The following SMOC2 variants were observed in gnomAD, a reference collection of about 807,000 sequenced individuals.
The protein encoded by SMOC2 is SPARC related modular calcium binding 2.
Under a neutral mutation model 61.4 loss-of-function variants are expected in SMOC2, and 39 were observed. That is an observed-to-expected ratio of 0.64 (90% confidence interval 0.49 to 0.83). The LOEUF is 0.83. SMOC2 is among the 40% of genes least tolerant of loss of function. The pLI is 0.00. For missense variants in SMOC2, 556 were observed against 592.9 expected, an observed-to-expected ratio of 0.94 and a Z score of 0.65; for synonymous variants, 247 against 239.9, an observed-to-expected ratio of 1.03 and a Z score of -0.27.
intron 4 of SMOC2, among the ~76,000 whole-genome samples, chr6:168,542,852 GAAAA>G (rs569101304): frequency 4.0e-5 from 6 of 149,884 alleles, no homozygotes; most frequent in African/African-American, 1.2e-4. Flanking sequence ...ATGCAAAATT[GAAAA>G]AAAAAGAAAA....
intron 9 of SMOC2, among the ~76,000 whole-genome samples, chr6:168,647,043 G>T (rs531142608): frequency 6.6e-6 from 1 of 152,214 alleles, no homozygotes; most frequent in Non-Finnish European, 1.5e-5. Flanking sequence ...ACATGGTGTG[G>T]ACTTTGAGAG....
intron 7 of SMOC2, among the ~76,000 whole-genome samples, chr6:168,570,685 C>T (rs1054647083): frequency 6.6e-6 from 1 of 151,944 alleles, no homozygotes; most frequent in Admixed American, 6.6e-5. Context: ...AGGAGAGGGA[C>T]GCTAAATACT....
intron 1 of SMOC2, among the ~76,000 whole-genome samples, chr6:168,501,866 G>T (rs1289306087): frequency 1.3e-5 from 2 of 152,226 alleles, no homozygotes; most frequent in African/African-American, 4.8e-5. Context: ...CCTGAGAGGG[G>T]CTGCCTCGCC....
At chr6:168,444,019 G>C (rs548130319) in intron 1 of SMOC2, among the ~76,000 whole-genome samples, 1 of 152,206 alleles carries the variant, frequency 6.6e-6, no homozygotes, top group South Asian at 2.1e-4. Context: ...TGCCCATGCC[G>C]TGGGTCCGTA....
intron 1 of SMOC2, among the ~76,000 whole-genome samples, chr6:168,444,795 T>G (rs1025261253): frequency 8.5e-5 from 13 of 152,176 alleles, no homozygotes; most frequent in African/African-American, 2.9e-4. Context: ...TTACTCAACT[T>G]TATCATGGTT....
At chr6:168,605,026 G>A (rs1299835383) in intron 8 of SMOC2, among the ~76,000 whole-genome samples, 1 of 152,142 alleles carries the variant, frequency 6.6e-6, no homozygotes, top group African/African-American at 2.4e-5. Context: ...GAATGGTAGA[G>A]TCCAGGTGGG....
chr6:168,616,082 G>A (rs758412043), intron 9 of SMOC2, among the ~76,000 whole-genome samples: 1 of 152,106 alleles, frequency 6.6e-6, no homozygotes, highest in Admixed American at 6.5e-5. Context: ...CCAGGACCTC[G>A]CTTGGTGGCC....
chr6:168,467,767 T>C (rs1781877442), intron 1 of SMOC2, among the ~76,000 whole-genome samples: 1 of 152,224 alleles, frequency 6.6e-6, no homozygotes, highest in Non-Finnish European at 1.5e-5. Context: ...ACTAAAGCCA[T>C]ACCAAATTAT....
At chr6:168,490,171 G>C (rs188731468) in intron 1 of SMOC2, among the ~76,000 whole-genome samples, 276 of 150,724 alleles carry the variant, frequency 1.8e-3, no homozygotes, top group Admixed American at 3.6e-3. Context: ...CAGTTTTAGA[G>C]TGAAATATAT....
intron 1 of SMOC2, among the ~76,000 whole-genome samples, chr6:168,472,289 G>A (rs2115014641): frequency 6.6e-6 from 1 of 151,094 alleles, no homozygotes. Context: ...CCGAATACCA[G>A]CTGTTGAAGA....
intron 7 of SMOC2, among the ~76,000 whole-genome samples, chr6:168,552,735 C>A (rs1043129940): frequency 2.6e-5 from 4 of 152,008 alleles, no homozygotes; most frequent in African/African-American, 9.7e-5. Flanking sequence ...ATCATGCCTC[C>A]TGTGGGGTTT....
chr6:168,463,492 A>G (rs886135534), intron 1 of SMOC2, among the ~76,000 whole-genome samples: 10 of 152,274 alleles, frequency 6.6e-5, no homozygotes, highest in African/African-American at 1.9e-4. Flanking sequence ...CAAGTAATGC[A>G]TGTCGACATT....
intron 12 of SMOC2, among the ~76,000 whole-genome samples, chr6:168,665,565 G>A (rs952195229): frequency 4.6e-5 from 7 of 152,258 alleles, no homozygotes; most frequent in Non-Finnish European, 1.0e-4. Flanking sequence ...GCTCTTTCCT[G>A]ATCTCTTCAG....
intron 9 of SMOC2, among the ~76,000 whole-genome samples, chr6:168,610,803 G>A (rs1785838488): frequency 6.6e-6 from 1 of 152,176 alleles, no homozygotes. Flanking sequence ...GGCTTAAGGG[G>A]CTACATAGTG....
At chr6:168,506,204 C>T (rs531145718) in intron 1 of SMOC2, among the ~76,000 whole-genome samples, 1 of 152,142 alleles carries the variant, frequency 6.6e-6, no homozygotes, top group East Asian at 1.9e-4. Flanking sequence ...TGGCTAATTT[C>T]CTCCCACCCC....
At chr6:168,578,796 A>G (rs1784863060) in intron 7 of SMOC2, among the ~76,000 whole-genome samples, 1 of 152,200 alleles carries the variant, frequency 6.6e-6, no homozygotes, top group South Asian at 2.1e-4. Flanking sequence ...GGACGTGGGT[A>G]ATGGAGTTTG....
At chr6:168,565,489 C>G (rs568551095) in intron 7 of SMOC2, among the ~76,000 whole-genome samples, 1 of 152,210 alleles carries the variant, frequency 6.6e-6, no homozygotes, top group African/African-American at 2.4e-5. Context: ...ATCAATTATA[C>G]TGGATCAGGG....
At chr6:168,546,748 C>T (rs939694549) in intron 5 of SMOC2, among the ~76,000 whole-genome samples, 1 of 152,202 alleles carries the variant, frequency 6.6e-6, no homozygotes, top group Non-Finnish European at 1.5e-5. Flanking sequence ...CTTTTGTAAC[C>T]TCCAGTGGCC....
intron 8 of SMOC2, among the ~76,000 whole-genome samples, chr6:168,600,906 A>C (rs1183829021): frequency 6.6e-6 from 1 of 152,236 alleles, no homozygotes; most frequent in African/African-American, 2.4e-5. Flanking sequence ...CTCCTGAAGA[A>C]CAAGAGCTGT....
Sources: allele counts gnomAD v4.1 joint callset (sites outside exome capture counted in the v4.1 genomes callset), GRCh38; gene constraint gnomAD v4.1.1; transcripts MANE v1.5; gene names NCBI Gene and HGNC (gene_info 2026-07-23, HGNC 2026-07-21).